The following PDCD6 variants were observed in gnomAD, a reference collection of about 807,000 sequenced individuals.
PDCD6 encodes programmed cell death 6.
A neutral mutation model predicts 28.3 loss-of-function variants in PDCD6; 12 were observed. That is an observed-to-expected ratio of 0.42 (90% confidence interval 0.27 to 0.69). The LOEUF (loss-of-function observed/expected upper bound fraction) is 0.69, where lower values mean the gene tolerates loss of function less well. Among genes scored for constraint, PDCD6 ranks in the 30% least tolerant of loss-of-function variants. The probability of loss-of-function intolerance (pLI) is 0.22; values close to 1 mark genes in which losing one functional copy is unlikely to be tolerated. For synonymous variants in PDCD6, 92 were observed against 108.0 expected, an observed-to-expected ratio of 0.85 and a Z score of 0.92; for missense variants, 226 against 269.9, an observed-to-expected ratio of 0.84 and a Z score of 1.14.
At chr5:283,597 G>T (rs1307904612) in intron 2 of PDCD6, among the ~76,000 whole-genome samples, 1 of 150,660 alleles carries the variant, frequency 6.6e-6, no homozygotes, top group African/African-American at 2.4e-5. Context: ...CTGAAGACTC[G>T]GGAAGGAGCT....
At chr5:292,797 A>G (rs1739390296) in intron 2 of PDCD6, among the ~76,000 whole-genome samples, 1 of 152,176 alleles carries the variant, frequency 6.6e-6, no homozygotes, top group South Asian at 2.1e-4. Flanking sequence ...GGATTAGCAG[A>G]GGATTTAAAC....
chr5:279,159 C>G (rs768795308), intron 2 of PDCD6, among the ~76,000 whole-genome samples: 2 of 151,750 alleles, frequency 1.3e-5, no homozygotes, highest in Non-Finnish European at 2.9e-5. Flanking sequence ...ACTGACATTT[C>G]TTGCCATGGG....
chr5:299,315 C>A (rs1187233643), intron 2 of PDCD6, among the ~76,000 whole-genome samples: 2 of 97,386 alleles, frequency 2.1e-5, no homozygotes, highest in East Asian at 4.7e-4. Flanking sequence ...CTGGGGCACC[C>A]GTTCCTGTGG....
intron 2 of PDCD6, among the ~76,000 whole-genome samples, chr5:280,426 T>A (rs1473588698): frequency 6.9e-6 from 1 of 145,844 alleles, no homozygotes; most frequent in Non-Finnish European, 1.5e-5. Context: ...AGGGCAGGGC[T>A]GTGCCGGGCA....
chr5:272,446 C>T (rs1471435714), intron 1 of PDCD6, among the ~76,000 whole-genome samples: 1 of 142,896 alleles, frequency 7.0e-6, no homozygotes, highest in African/African-American at 2.8e-5. Flanking sequence ...AAAAGGGAAA[C>T]GGGTGCAAAT....
intron 2 of PDCD6, among the ~76,000 whole-genome samples, chr5:284,522 G>A (rs1179287329): frequency 5.9e-5 from 9 of 152,192 alleles, no homozygotes; most frequent in African/African-American, 2.2e-4. Flanking sequence ...CTGTGCGGGG[G>A]AGAAGATGTT....
chr5:298,933 A>C (rs1436359984), intron 2 of PDCD6, among the ~76,000 whole-genome samples: 2 of 11,942 alleles, frequency 1.7e-4, no homozygotes, highest in Non-Finnish European at 3.0e-4. Flanking sequence ...GCTCCCCCTC[A>C]GCTACTCCCA....
At chr5:301,055 C>T (rs556390201) in intron 2 of PDCD6, among the ~76,000 whole-genome samples, 2 of 152,264 alleles carry the variant, frequency 1.3e-5, no homozygotes, top group East Asian at 1.9e-4. Context: ...CTTGTTTGAC[C>T]GTGTTATTTG....
intron 2 of PDCD6, among the ~76,000 whole-genome samples, chr5:284,413 A>G (rs13180062): frequency 0.72 from 110,096 of 152,032 alleles, 40,353 homozygotes; most frequent in Non-Finnish European, 0.75. Flanking sequence ...TGATGTTCCA[A>G]TTTGAGGGTC....
Position 294,608 on chromosome 5 carries a change from G to C in PDCD6, c.164-9569G>C, listed in dbSNP as rs1379912012. On this transcript the variant is annotated intron_variant, in intron 2 of 5. Transcript: ENST00000264933. ...CATAAGCTGCAGTGGGAATGGGAGG[G>C]GTCCCGCCATGCTGGAAAGTGGTCC... Among the ~76,000 whole-genome samples the C allele has an allele frequency of 2.6e-5, 4 of 152,372 alleles. No individual in the cohort carries two copies. The South Asian group carries it at 8.3e-4, about 32-fold the overall frequency.
intron 2 of PDCD6, among the ~76,000 whole-genome samples, chr5:295,683 C>T (rs1239575950): frequency 2.1e-5 from 3 of 146,170 alleles, no homozygotes; most frequent in Non-Finnish European, 4.6e-5. Flanking sequence ...GGTGGGTGGT[C>T]CCTGGTGGTC....
intron 2 of PDCD6, among the ~76,000 whole-genome samples, chr5:280,043 T>G: frequency 6.8e-6 from 1 of 146,200 alleles, no homozygotes. Context: ...CAAGGACGAA[T>G]GGTATTTAGA....
chr5:309,566 T>TGTCCCCGTGCACCCCAGTGATGGCCGCC (rs1238915172), intron 4 of PDCD6: 11 of 207,132 alleles, frequency 5.3e-5, no homozygotes, highest in South Asian at 1.4e-4. Context: ...TAATGACCTC[T>TGTCCCCGTGCACCCCAGTGATGGCCGCC]GTCCCCGTGC....
chr5:283,455 CAGAGA>C (rs1738720131), intron 2 of PDCD6, among the ~76,000 whole-genome samples: 1 of 134,366 alleles, frequency 7.4e-6, no homozygotes, highest in African/African-American at 3.2e-5. Flanking sequence ...GCTGCAGACC[CAGAGA>C]GGAGCTGATG....
intron 2 of PDCD6, among the ~76,000 whole-genome samples, chr5:303,240 C>A (rs984881470): frequency 1.3e-5 from 2 of 150,484 alleles, no homozygotes; most frequent in African/African-American, 4.9e-5. Context: ...TGACATTGTT[C>A]TCTGAGATCA....
At chr5:288,311 T>TATATATATATAC (rs34574011) in intron 2 of PDCD6, among the ~76,000 whole-genome samples, 33 of 144,958 alleles carry the variant, frequency 2.3e-4, no homozygotes, top group East Asian at 1.8e-3. Context: ...TATATATATA[T>TATATATATATAC]ACACATATGT....
At chr5:283,778 C>T (rs1188897925) in intron 2 of PDCD6, among the ~76,000 whole-genome samples, 5 of 148,618 alleles carry the variant, frequency 3.4e-5, no homozygotes, top group African/African-American at 1.3e-4. Flanking sequence ...CTTGCAGCTG[C>T]AGACCCATAG....
rs1264504017 is a variant in PDCD6 at position 314,357 on chromosome 5, C to T, written c.478-60C>T. ...AAATTGGGTCCCTACATGCCTTTGT[C>T]CCAGTGCACCTTGCTCCTTCCATTT... On this transcript the variant is annotated intron_variant, in intron 5 of 5. Coordinates refer to ENST00000264933, the MANE Select transcript of PDCD6 (RefSeq NM_013232.4). 4 of 1,267,266 alleles carry T rather than the reference C, an allele frequency of 3.2e-6. No individual in the cohort carries two copies. The Admixed American group carries it at 6.8e-5, about 22-fold the overall frequency. 78.5% of individuals were successfully genotyped at this position (1,267,266 alleles called of 1,614,324 possible).
At chr5:272,170 G>T (rs1187319343) in intron 1 of PDCD6, among the ~76,000 whole-genome samples, 1 of 150,272 alleles carries the variant, frequency 6.7e-6, no homozygotes, top group Non-Finnish European at 1.5e-5. Flanking sequence ...CCGGCTCCTG[G>T]GCTAGGCCCT....
Sources: allele counts gnomAD v4.1 joint callset (sites outside exome capture counted in the v4.1 genomes callset), GRCh38; gene constraint gnomAD v4.1.1; transcripts MANE v1.5; gene names NCBI Gene and HGNC (gene_info 2026-07-23, HGNC 2026-07-21).